Variants in ZNF536 observed in about 807,000 individuals in gnomAD.
The protein encoded by ZNF536 is zinc finger protein 536.
Under a neutral mutation model 84.5 loss-of-function variants are expected in ZNF536, and 13 were observed. The ratio of observed to expected loss-of-function variants is 0.15; its 90% CI spans 0.10 to 0.24. ZNF536 has a LOEUF of 0.24. Among genes scored for constraint, ZNF536 ranks in the 10% least tolerant of loss-of-function variants. The pLI is 1.00. For synonymous variants in ZNF536, 811 were observed against 742.5 expected, an observed-to-expected ratio of 1.09 and a Z score of -1.50; for missense variants, 1,536 against 1,747.5, an observed-to-expected ratio of 0.88 and a Z score of 2.16.
intron 1 of ZNF536, among the ~76,000 whole-genome samples, chr19:30,648,376 C>G (rs955169221): frequency 2.0e-5 from 3 of 152,170 alleles, no homozygotes; most frequent in East Asian, 3.9e-4. Context: ...AAATTCTACA[C>G]CAAATCAAAA....
At chr19:30,692,140 C>T (rs1030783241) in intron 1 of ZNF536, among the ~76,000 whole-genome samples, 4 of 152,210 alleles carry the variant, frequency 2.6e-5, no homozygotes, top group Non-Finnish European at 5.9e-5. Flanking sequence ...CTTTTTGATT[C>T]TGAAGATAGA....
intron 1 of ZNF536, among the ~76,000 whole-genome samples, chr19:30,581,892 C>T (rs1435306294): frequency 1.3e-5 from 2 of 152,206 alleles, no homozygotes; most frequent in African/African-American, 4.8e-5. Flanking sequence ...TGAGATCGTG[C>T]CACTGCACTC....
intron 1 of ZNF536, among the ~76,000 whole-genome samples, chr19:30,689,154 G>A (rs546623901): frequency 2.6e-5 from 4 of 152,214 alleles, no homozygotes; most frequent in South Asian, 2.1e-4. Flanking sequence ...TCCAGGCTAC[G>A]CAGCTGTTAA....
At chr19:30,701,149 T>A (rs1188764960) in intron 1 of ZNF536, among the ~76,000 whole-genome samples, 3 of 152,152 alleles carry the variant, frequency 2.0e-5, no homozygotes, top group African/African-American at 7.2e-5. Context: ...CTTCTGTTCC[T>A]GTAAGGGGAG....
At chr19:30,598,916 CCTT>C (rs1469031272) in intron 1 of ZNF536, among the ~76,000 whole-genome samples, 25 of 150,612 alleles carry the variant, frequency 1.7e-4, no homozygotes, top group African/African-American at 6.1e-4. Context: ...CTCTCTCACT[CCTT>C]CTTCCCTTTC....
intron 1 of ZNF536, among the ~76,000 whole-genome samples, chr19:30,415,835 C>T (rs935003328): frequency 5.3e-5 from 8 of 152,304 alleles, no homozygotes; most frequent in East Asian, 1.9e-4. Flanking sequence ...TGGTCTCGAT[C>T]TCCTGACCTC....
chr19:30,260,917 A>G (rs1013164570), intron 1 of ZNF536, among the ~76,000 whole-genome samples: 8 of 152,198 alleles, frequency 5.3e-5, no homozygotes, highest in African/African-American at 1.4e-4. Flanking sequence ...AGCTTCAGCT[A>G]CTGAGCTCTC....
intron 1 of ZNF536, among the ~76,000 whole-genome samples, chr19:30,416,464 A>G (rs1294258870): frequency 5.9e-5 from 9 of 152,134 alleles, no homozygotes; most frequent in Admixed American, 5.9e-4. Context: ...TTACCCCATC[A>G]GGCTCTCCAT....
chr19:30,695,547 G>C (rs1466259383), intron 1 of ZNF536, among the ~76,000 whole-genome samples: 1 of 152,140 alleles, frequency 6.6e-6, no homozygotes, highest in Non-Finnish European at 1.5e-5. Flanking sequence ...AGAAGATGTG[G>C]GGGCTGGAGA....
intron 2 of ZNF536, among the ~76,000 whole-genome samples, chr19:30,497,229 C>G (rs1243543729): frequency 1.3e-5 from 2 of 152,166 alleles, no homozygotes; most frequent in Non-Finnish European, 2.9e-5. Flanking sequence ...TCTTGAATGG[C>G]AAATTGGTCA....
rs967805257 is a variant in ZNF536, at chr19:30,447,120, G to A, written c.2170+1388G>A. 2.6e-4 allele frequency among the ~76,000 whole-genome samples: 40 copies of A among 152,316 alleles called. 2 individuals are homozygous for A. The highest frequency in any genetic ancestry group is 8.9e-4 in the African/African-American group (37 of 41,562). The stretch of plus-strand genomic sequence containing the variant: ...TGAAAGACAGTTTGAGGCACCTCGA[G>A]GCACTGCCTTGCCCACTGTTAAAGA... On this transcript the variant is annotated intron_variant, in intron 2 of 4. Transcript: ENST00000355537.
chr19:30,404,209 G>T (rs1443867058), intron 1 of ZNF536, among the ~76,000 whole-genome samples: 2 of 152,208 alleles, frequency 1.3e-5, no homozygotes, highest in Non-Finnish European at 2.9e-5. Flanking sequence ...TGGGCACAAA[G>T]GGGGCCATCC....
intron 1 of ZNF536, among the ~76,000 whole-genome samples, chr19:30,418,999 C>T (rs1450630360): frequency 6.6e-6 from 1 of 152,122 alleles, no homozygotes; most frequent in Non-Finnish European, 1.5e-5. Context: ...GATGCGTGTC[C>T]ATGAACTAAT....
intron 1 of ZNF536, among the ~76,000 whole-genome samples, chr19:30,258,215 G>T (rs770234534): frequency 6.6e-6 from 1 of 152,118 alleles, no homozygotes; most frequent in South Asian, 2.1e-4. Context: ...TGAAGGTGTC[G>T]CCTACACAAC....
At chr19:30,335,900 G>T (rs541172962) in intron 2 of ZNF536, among the ~76,000 whole-genome samples, 5 of 152,014 alleles carry the variant, frequency 3.3e-5, no homozygotes, top group African/African-American at 1.2e-4. Flanking sequence ...TCAAGGAGTG[G>T]CCCTGGCTCA....
At chr19:30,267,633 G>T (rs541280044) in intron 1 of ZNF536, among the ~76,000 whole-genome samples, 1 of 152,070 alleles carries the variant, frequency 6.6e-6, no homozygotes, top group South Asian at 2.1e-4. Context: ...GGCACACCCC[G>T]TCCTGTCCTC....
At chr19:30,423,821 C>T (rs1391239781) in intron 1 of ZNF536, among the ~76,000 whole-genome samples, 3 of 146,588 alleles carry the variant, frequency 2.0e-5, no homozygotes, top group East Asian at 2.1e-4. Context: ...TGGGAGCGGT[C>T]GCTGCGAAGG....
At chr19:30,447,708 G>T (rs1167990736) in intron 2 of ZNF536, among the ~76,000 whole-genome samples, 1 of 152,152 alleles carries the variant, frequency 6.6e-6, no homozygotes, top group East Asian at 1.9e-4. Context: ...GCTCTTTCTG[G>T]CCTCCTAGGA....
At chr19:30,657,277 G>T (rs2147523216) in intron 1 of ZNF536, among the ~76,000 whole-genome samples, 1 of 152,284 alleles carries the variant, frequency 6.6e-6, no homozygotes, top group East Asian at 1.9e-4. Flanking sequence ...AACTGCCTCA[G>T]CTTTAGTATT....
Sources: allele counts gnomAD v4.1 joint callset (sites outside exome capture counted in the v4.1 genomes callset), GRCh38; gene constraint gnomAD v4.1.1; transcripts MANE v1.5; gene names NCBI Gene and HGNC (gene_info 2026-07-23, HGNC 2026-07-21).